The following SUGCT variants were observed in gnomAD, a reference collection of about 807,000 sequenced individuals.
The protein encoded by SUGCT is succinyl-CoA:glutarate CoA-transferase.
A neutral mutation model predicts 55.0 loss-of-function variants in SUGCT; 41 were observed. The ratio of observed to expected loss-of-function variants is 0.74; its 90% CI spans 0.58 to 0.97. The LOEUF is 0.97. SUGCT is among the 50% of genes least tolerant of loss of function. SUGCT has a pLI of 0.00. For synonymous variants in SUGCT, 187 were observed against 200.4 expected (o/e 0.93, Z 0.56); for missense variants, 568 against 547.8 (o/e 1.04, Z -0.37).
intron 9 of SUGCT, among the ~76,000 whole-genome samples, chr7:40,320,711 G>A (rs1047224658): frequency 4.6e-5 from 7 of 152,052 alleles, no homozygotes; most frequent in African/African-American, 1.2e-4. Context: ...CTCCAATATC[G>A]TAGAAGATCC....
At chr7:40,154,739 C>T (rs757032288) in intron 1 of SUGCT, among the ~76,000 whole-genome samples, 9 of 152,118 alleles carry the variant, frequency 5.9e-5, no homozygotes, top group Non-Finnish European at 8.8e-5. Flanking sequence ...TCATTGCCTG[C>T]GTATCTGTGC....
At chr7:40,888,603 T>TA in the SUGCT span, among the ~76,000 whole-genome samples, 48 of 152,138 alleles carry the variant, frequency 3.2e-4, no homozygotes, top group East Asian at 7.7e-4. Flanking sequence ...TTCATAGGTT[T>TA]AAAAAAAATA....
At chr7:40,417,712 TTGAC>T (rs1469627194) in intron 9 of SUGCT, among the ~76,000 whole-genome samples, 2 of 80,238 alleles carry the variant, frequency 2.5e-5, no homozygotes, top group Non-Finnish European at 5.3e-5. Context: ...AAAATCTTGT[TTGAC>T]TGTATTATTC....
rs934870820 is a variant in SUGCT, at chr7:40,295,506, A to G, written c.720+20850A>G. On this transcript the variant is annotated intron_variant, in intron 8 of 13. Transcript: ENST00000335693. ...CAGGCGAATCACTTGAACCTGGGAG[A>G]TGGAGTTTGTAGTGACCTGAGATTG... is the stretch of plus-strand genomic sequence containing the variant. 1.3e-4 allele frequency among the ~76,000 whole-genome samples: 20 copies of G among 152,238 alleles called. No homozygotes were observed. The South Asian group carries it at 3.9e-3, about 30-fold the overall frequency.
intron 12 of SUGCT, among the ~76,000 whole-genome samples, chr7:40,718,900 A>C (rs1361448080): frequency 6.6e-6 from 1 of 152,224 alleles, no homozygotes; most frequent in Admixed American, 6.5e-5. Context: ...ATGATATAAA[A>C]ATTTAAAAGC....
At chr7:40,570,655 A>G (rs1230621604) in intron 12 of SUGCT, among the ~76,000 whole-genome samples, 1 of 152,062 alleles carries the variant, frequency 6.6e-6, no homozygotes, top group Non-Finnish European at 1.5e-5. Context: ...TGCTTCCTTC[A>G]TTGTTGTTAA....
chr7:40,954,763 G>C, the SUGCT span, among the ~76,000 whole-genome samples: 4 of 152,050 alleles, frequency 2.6e-5, no homozygotes, highest in Admixed American at 2.6e-4. Flanking sequence ...GGGTTTTTAT[G>C]GTTTTAGGTC....
At chr7:40,945,688 C>T in the SUGCT span, among the ~76,000 whole-genome samples, 1,857 of 152,258 alleles carry the variant, frequency 0.012, 42 homozygotes, top group African/African-American at 0.042. Context: ...TGAGACTCAA[C>T]GTCTGCCATG....
intron 9 of SUGCT, among the ~76,000 whole-genome samples, chr7:40,390,978 C>T (rs997282991): frequency 6.6e-6 from 1 of 152,134 alleles, no homozygotes; most frequent in South Asian, 2.1e-4. Context: ...GAAACAATAC[C>T]ACACATCTAC....
At chr7:40,715,368 C>T (rs992276820) in intron 12 of SUGCT, among the ~76,000 whole-genome samples, 2 of 152,122 alleles carry the variant, frequency 1.3e-5, no homozygotes, top group African/African-American at 2.4e-5. Flanking sequence ...CTTAAAGTCC[C>T]ATCTCCTGTT....
At chr7:40,890,466 C>T in the SUGCT span, among the ~76,000 whole-genome samples, 3 of 150,392 alleles carry the variant, frequency 2.0e-5, no homozygotes, top group African/African-American at 7.3e-5. Flanking sequence ...GGCTCACCCC[C>T]ATGGACCCAG....
intron 8 of SUGCT, among the ~76,000 whole-genome samples, chr7:40,280,476 C>G (rs902286097): frequency 3.9e-5 from 6 of 152,186 alleles, no homozygotes; most frequent in African/African-American, 1.4e-4. Flanking sequence ...TAATTGCAAC[C>G]AGGCTCCCTT....
At chr7:40,909,568 G>A in the SUGCT span, among the ~76,000 whole-genome samples, 17 of 152,168 alleles carry the variant, frequency 1.1e-4, no homozygotes, top group African/African-American at 4.1e-4. Flanking sequence ...AGAGAACTAC[G>A]GGGGAGGCTA....
chr7:41,027,601 A>C, the SUGCT span, among the ~76,000 whole-genome samples: 1 of 152,292 alleles, frequency 6.6e-6, no homozygotes, highest in East Asian at 1.9e-4. Context: ...TATGTACTAC[A>C]GTTTGTGGTT....
chr7:40,569,824 C>G (rs1468640077), intron 12 of SUGCT, among the ~76,000 whole-genome samples: 1 of 152,132 alleles, frequency 6.6e-6, no homozygotes, highest in Non-Finnish European at 1.5e-5. Context: ...GCATTAAAAA[C>G]CTTTTAATCA....
intron 8 of SUGCT, among the ~76,000 whole-genome samples, chr7:40,281,303 G>C (rs1250914309): frequency 6.6e-6 from 1 of 152,208 alleles, no homozygotes; most frequent in Non-Finnish European, 1.5e-5. Flanking sequence ...GCTGAAAGCT[G>C]AGATTGTGTT....
the SUGCT span, among the ~76,000 whole-genome samples, chr7:40,989,422 G>A: frequency 2.0e-5 from 3 of 152,100 alleles, no homozygotes; most frequent in East Asian, 5.8e-4. Context: ...ACAGCATCTT[G>A]ACCAGCAGTA....
the SUGCT span, among the ~76,000 whole-genome samples, chr7:40,958,853 G>A: frequency 6.6e-6 from 1 of 152,102 alleles, no homozygotes; most frequent in Non-Finnish European, 1.5e-5. Context: ...TTTTTGAGTG[G>A]TCATCCTTTT....
At chr7:40,229,984 G>T (rs6969419) in intron 6 of SUGCT, among the ~76,000 whole-genome samples, 1 of 151,986 alleles carries the variant, frequency 6.6e-6, no homozygotes, top group Non-Finnish European at 1.5e-5. Flanking sequence ...ATTCTCCTTT[G>T]AGGTAAACAG....
Sources: allele counts gnomAD v4.1 joint callset (sites outside exome capture counted in the v4.1 genomes callset), GRCh38; gene constraint gnomAD v4.1.1; transcripts MANE v1.5; gene names NCBI Gene and HGNC (gene_info 2026-07-23, HGNC 2026-07-21).